The following SLC36A1 variants were observed in gnomAD, a reference collection of about 807,000 sequenced individuals.
SLC36A1 encodes proton-coupled amino acid transporter 1.
SLC36A1 carries 30 observed loss-of-function variants against 47.5 expected under a neutral mutation model. The ratio of observed to expected loss-of-function variants is 0.63; its 90% confidence interval spans 0.47 to 0.86. SLC36A1 has a LOEUF of 0.86. SLC36A1 is among the 40% of genes least tolerant of loss of function. The probability of loss-of-function intolerance (pLI) is 0.00; values close to 1 mark genes in which losing one functional copy is unlikely to be tolerated. For synonymous variants in SLC36A1, 255 were observed against 249.7 expected (o/e 1.02, Z -0.20); for missense variants, 517 against 606.0 (o/e 0.85, Z 1.54).
the SLC36A1 span, among the ~76,000 whole-genome samples, chr5:151,368,139 T>G: frequency 6.6e-6 from 1 of 152,210 alleles, no homozygotes; most frequent in Non-Finnish European, 1.5e-5. Context: ...GATTGATCAT[T>G]GACTAAAGAC....
the SLC36A1 span, among the ~76,000 whole-genome samples, chr5:151,361,620 AATTACAGTATTTAAAT>A: frequency 1.3e-5 from 2 of 152,204 alleles, no homozygotes; most frequent in African/African-American, 4.8e-5. Context: ...TGCATACCAC[AATTACAGTATTTAAAT>A]ATTTTGGGTT....
At chr5:151,542,647 C>T in the SLC36A1 span, 2 of 1,614,216 alleles carry the variant, frequency 1.2e-6, no homozygotes, top group Non-Finnish European at 1.7e-6. Context: ...GCCATCTCTC[C>T]CAGTGTCCTT....
chr5:151,375,610 G>A, the SLC36A1 span, among the ~76,000 whole-genome samples: 687 of 152,158 alleles, frequency 4.5e-3, 7 homozygotes, highest in African/African-American at 0.016. Context: ...AATGAGCATG[G>A]AATTTTAATA....
chr5:151,349,931 C>T, the SLC36A1 span, among the ~76,000 whole-genome samples: 2 of 152,130 alleles, frequency 1.3e-5, no homozygotes, highest in African/African-American at 2.4e-5. Flanking sequence ...GTCCACTGTT[C>T]TATGGAGTGG....
At chr5:151,381,194 G>T in the SLC36A1 span, 1 of 407,168 alleles carries the variant, frequency 2.5e-6, no homozygotes, top group Admixed American at 3.0e-5. Flanking sequence ...GGACCTGCTA[G>T]CCCATGGACT....
the SLC36A1 span, chr5:151,545,543 C>T: frequency 1.9e-6 from 3 of 1,614,128 alleles, no homozygotes; most frequent in Non-Finnish European, 2.5e-6. Context: ...ACATCTCTGA[C>T]ATGAATGATG....
At chr5:151,549,635 TA>T in the SLC36A1 span, 1 of 690,856 alleles carries the variant, frequency 1.4e-6, no homozygotes, top group Non-Finnish European at 2.5e-6. Context: ...CATATTCTTT[TA>T]AATGTTGTTC....
the SLC36A1 span, among the ~76,000 whole-genome samples, chr5:151,514,154 T>C: frequency 4.2e-3 from 646 of 152,310 alleles, 4 homozygotes; most frequent in African/African-American, 0.015. Context: ...ATACTACCTA[T>C]ACCTTTATTT....
chr5:151,457,423 G>T (rs1181653480), intron 1 of SLC36A1, among the ~76,000 whole-genome samples: 1 of 151,964 alleles, frequency 6.6e-6, no homozygotes, highest in Non-Finnish European at 1.5e-5. Flanking sequence ...CTTCTCTTTT[G>T]TGTAGTATTA....
intron 1 of SLC36A1, among the ~76,000 whole-genome samples, chr5:151,458,341 TTATATA>T (rs1276185493): frequency 1.8e-5 from 2 of 108,492 alleles, no homozygotes; most frequent in South Asian, 6.9e-4. Context: ...TATGGGATAT[TTATATA>T]TATATATATA....
At chr5:151,501,627 T>C in the SLC36A1 span, among the ~76,000 whole-genome samples, 1 of 148,450 alleles carries the variant, frequency 6.7e-6, no homozygotes, top group Non-Finnish European at 1.5e-5. Context: ...GTTTATGCTT[T>C]AATAAACTTT....
chr5:151,537,423 G>T, the SLC36A1 span, among the ~76,000 whole-genome samples: 1 of 98,056 alleles, frequency 1.0e-5, no homozygotes, highest in South Asian at 3.3e-4. Flanking sequence ...AGGAAAAAAG[G>T]AAAGGAGAGG....
At chr5:151,407,706 G>A in the SLC36A1 span, among the ~76,000 whole-genome samples, 2 of 152,228 alleles carry the variant, frequency 1.3e-5, no homozygotes, top group African/African-American at 4.8e-5. Context: ...GGGGTGTTGG[G>A]TCTGGGGATG....
intron 2 of SLC36A1, among the ~76,000 whole-genome samples, chr5:151,459,268 G>A (rs1008390365): frequency 6.6e-6 from 1 of 152,108 alleles, no homozygotes; most frequent in East Asian, 1.9e-4. Context: ...AAGCATAATC[G>A]GAAGCTTCCT....
the SLC36A1 span, among the ~76,000 whole-genome samples, chr5:151,538,859 T>G: frequency 6.7e-6 from 1 of 150,146 alleles, no homozygotes. Context: ...TTTTTTTTTG[T>G]ATTTTTAGTA....
At chr5:151,349,073 GC>G in the SLC36A1 span, among the ~76,000 whole-genome samples, 1 of 152,202 alleles carries the variant, frequency 6.6e-6, no homozygotes, top group Non-Finnish European at 1.5e-5. Flanking sequence ...CTCGTTTACA[GC>G]CTGAGATTCC....
the SLC36A1 span, among the ~76,000 whole-genome samples, chr5:151,369,177 C>G: frequency 0.016 from 2,376 of 152,276 alleles, 49 homozygotes; most frequent in African/African-American, 0.054. Context: ...CACCTAAGAA[C>G]CAGATGACCC....
At chr5:151,385,382 C>T in the SLC36A1 span, among the ~76,000 whole-genome samples, 15 of 152,326 alleles carry the variant, frequency 9.8e-5, no homozygotes, top group East Asian at 2.9e-3. Context: ...GAGAAAGTCA[C>T]ATTTTTAAAC....
chr5:151,512,155 C>T, the SLC36A1 span: 16 of 1,607,354 alleles, frequency 1.0e-5, no homozygotes, highest in African/African-American at 1.3e-5. This position sits in a 1 kb window ranked among gnomAD's most constrained non-coding sequence, Gnocchi z 4.1. Flanking sequence ...CCTGGCACCC[C>T]AGCCCTCACC....
Sources: gnomAD v4.1 joint callset for allele counts (sites outside exome capture counted in the v4.1 genomes callset) on GRCh38, gnomAD v4.1.1 for gene constraint, Gnocchi (gnomAD v3.1) non-coding constraint, MANE v1.5 for transcripts, NCBI Gene and HGNC (gene_info 2026-07-23, HGNC 2026-07-21) for gene names.